The following DTNB variants were observed in gnomAD, a reference collection of about 807,000 sequenced individuals.
DTNB encodes the protein DTN-B.
A neutral mutation model predicts 90.7 loss-of-function variants in DTNB; 63 were observed. That is an observed-to-expected ratio of 0.69 (90% CI 0.57 to 0.86). DTNB has a LOEUF of 0.86. Among genes scored for constraint, DTNB ranks in the 40% least tolerant of loss-of-function variants. The pLI is 0.00. For synonymous variants in DTNB, 277 were observed against 286.7 expected, an observed-to-expected ratio of 0.97 and a Z score of 0.34; for missense variants, 744 against 807.1, an observed-to-expected ratio of 0.92 and a Z score of 0.95.
chr2:25,570,100 A>G (rs930483703), intron 8 of DTNB, among the ~76,000 whole-genome samples: 5 of 151,156 alleles, frequency 3.3e-5, no homozygotes, highest in Middle Eastern at 3.4e-3. Context: ...GCATCTGGAA[A>G]AAAAAAAAAA....
chr2:25,529,731 T>G (rs554868104), intron 9 of DTNB, among the ~76,000 whole-genome samples: 9 of 152,208 alleles, frequency 5.9e-5, no homozygotes, highest in Non-Finnish European at 1.0e-4. Flanking sequence ...AGACAGTAAC[T>G]GCACAAAAGG....
chr2:25,581,530 T>C (rs2061551362), intron 6 of DTNB, among the ~76,000 whole-genome samples: 1 of 152,222 alleles, frequency 6.6e-6, no homozygotes, highest in Non-Finnish European at 1.5e-5. Flanking sequence ...ATTTTTCTGT[T>C]CTATCTTTAT....
intron 16 of DTNB, among the ~76,000 whole-genome samples, chr2:25,396,516 GA>G (rs529598852): frequency 3.6e-4 from 50 of 137,258 alleles, no homozygotes; most frequent in Non-Finnish European, 4.1e-4. Context: ...GTCTCAGGAG[GA>G]AAAAAAAAAA....
chr2:25,595,192 T>C (rs2064333729), intron 6 of DTNB: 1 of 152,176 alleles, frequency 6.6e-6, no homozygotes, highest in South Asian at 2.1e-4. Flanking sequence ...ATGCGTCCTA[T>C]CAGGAGGCAG....
chr2:25,483,215 T>C (rs2065359256), intron 9 of DTNB, among the ~76,000 whole-genome samples: 1 of 152,354 alleles, frequency 6.6e-6, no homozygotes, highest in Middle Eastern at 3.4e-3. Context: ...CTTTGGTGGC[T>C]TTTGCTTTGT....
intron 9 of DTNB, among the ~76,000 whole-genome samples, chr2:25,490,270 T>C (rs1307391462): frequency 6.6e-6 from 1 of 152,018 alleles, no homozygotes; most frequent in Admixed American, 6.5e-5. Flanking sequence ...AGTGAGATCC[T>C]GTCTCGGTGG....
chr2:25,514,758 A>G (rs1484577188), intron 9 of DTNB, among the ~76,000 whole-genome samples: 1 of 130,712 alleles, frequency 7.7e-6, no homozygotes, highest in Non-Finnish European at 1.5e-5. Flanking sequence ...GCTCTCGGCT[A>G]CTGAAACCTC....
intron 3 of DTNB, among the ~76,000 whole-genome samples, chr2:25,629,577 A>G (rs1036817071): frequency 1.3e-5 from 2 of 152,226 alleles, no homozygotes; most frequent in Non-Finnish European, 2.9e-5. Context: ...ATATAAGTGG[A>G]TGACAATTTT....
At chr2:25,450,302 G>A (rs2059083325) in intron 12 of DTNB, among the ~76,000 whole-genome samples, 1 of 152,160 alleles carries the variant, frequency 6.6e-6, no homozygotes, top group South Asian at 2.1e-4. Flanking sequence ...AAAATAGAAA[G>A]AGTTTCCTTT....
intron 9 of DTNB, among the ~76,000 whole-genome samples, chr2:25,508,830 G>A (rs530985866): frequency 3.8e-4 from 58 of 152,184 alleles, no homozygotes; most frequent in African/African-American, 1.4e-3. Context: ...CACTGCACCC[G>A]GCCCTAAAAT....
At chr2:25,492,582 G>A (rs1042421516) in intron 9 of DTNB, among the ~76,000 whole-genome samples, 1 of 152,132 alleles carries the variant, frequency 6.6e-6, no homozygotes, top group Non-Finnish European at 1.5e-5. Context: ...TGAAGGAGTA[G>A]GCTGGGTGCA....
intron 4 of DTNB, among the ~76,000 whole-genome samples, chr2:25,614,759 C>A (rs931362125): frequency 2.0e-5 from 3 of 152,102 alleles, no homozygotes; most frequent in African/African-American, 7.2e-5. Context: ...GAGATGGAGG[C>A]GGGGAAAAAC....
chr2:25,471,330 T>C (rs1161088731), intron 10 of DTNB, among the ~76,000 whole-genome samples: 1 of 150,090 alleles, frequency 6.7e-6, no homozygotes, highest in Non-Finnish European at 1.5e-5. Flanking sequence ...GTAGCAGTCG[T>C]GATGCTATCT....
In DTNB at chr2:25,476,673, A is replaced by AGCCTGAAGGTGTGAC. The variant is rs1206947961; in HGVS notation, c.1079+6108_1079+6122dup. On this transcript the variant is annotated intron_variant, in intron 10 of 20. Coordinates refer to ENST00000406818, the MANE Select transcript of DTNB (RefSeq NM_021907.5). ...ACAAGAGAACTAGAATTAGGTGTGAAGCCTGAAGGTGTGACTGAATTGCTG... is the reference window on the plus strand; with the variant it reads ...ACAAGAGAACTAGAATTAGGTGTGAAGCCTGAAGGTGTGACGCCTGAAGGTGTGACTGAATTGCTG... 1.2e-4 allele frequency among the ~76,000 whole-genome samples: 18 copies of AGCCTGAAGGTGTGAC among 152,354 alleles called. No homozygotes were observed. In the East Asian group the frequency reaches 3.3e-3, roughly 28 times the overall value.
chr2:25,473,046 CG>C (rs917821614), intron 10 of DTNB, among the ~76,000 whole-genome samples: 2 of 152,136 alleles, frequency 1.3e-5, no homozygotes, highest in Admixed American at 1.3e-4. Flanking sequence ...AAGTTTCAAT[CG>C]GAAGAATAAC....
chr2:25,614,627 G>C (rs187746407), intron 4 of DTNB, among the ~76,000 whole-genome samples: 39 of 152,164 alleles, frequency 2.6e-4, no homozygotes, highest in Admixed American at 1.1e-3. Context: ...ACAAATGAAA[G>C]AAATCAAAAA....
At chr2:25,515,637 G>C (rs2074946135) in intron 9 of DTNB, among the ~76,000 whole-genome samples, 1 of 152,052 alleles carries the variant, frequency 6.6e-6, no homozygotes, top group Non-Finnish European at 1.5e-5. Context: ...GCTCAGGCTA[G>C]AGTGCAATGG....
intron 16 of DTNB, among the ~76,000 whole-genome samples, chr2:25,391,471 T>C (rs563637233): frequency 4.6e-5 from 7 of 152,138 alleles, no homozygotes; most frequent in Admixed American, 1.3e-4. Context: ...TCCAAAGATA[T>C]ATAAATATCC....
chr2:25,517,127 T>C (rs1046129026), intron 9 of DTNB, among the ~76,000 whole-genome samples: 1 of 152,220 alleles, frequency 6.6e-6, no homozygotes, highest in East Asian at 1.9e-4. Flanking sequence ...TTAAAAAGAA[T>C]GACCTATTTA....
Sources: gnomAD v4.1 joint callset for allele counts (sites outside exome capture counted in the v4.1 genomes callset) on GRCh38, gnomAD v4.1.1 for gene constraint, MANE v1.5 for transcripts, NCBI Gene and HGNC (gene_info 2026-07-23, HGNC 2026-07-21) for gene names.